SEPTIN6: variants seen among roughly 807,000 people sequenced by gnomAD.
The protein encoded by SEPTIN6 is septin-6.
A neutral mutation model predicts 33.6 loss-of-function variants in SEPTIN6; 8 were observed. The ratio of observed to expected loss-of-function variants is 0.24; its 90% CI spans 0.14 to 0.43. The LOEUF (loss-of-function observed/expected upper bound fraction) is 0.43, where lower values mean the gene tolerates loss of function less well. Ranked by LOEUF, SEPTIN6 falls within the 20% of genes least tolerant of loss-of-function variation. SEPTIN6 has a pLI of 1.00. For synonymous variants in SEPTIN6, 131 were observed against 140.0 expected (o/e 0.94, Z 0.45); for missense variants, 250 against 340.8 (o/e 0.73, Z 2.10).
chrX:119,649,076 T>C (rs1027675691), intron 5 of SEPTIN6, among the ~76,000 whole-genome samples: 1 of 109,036 alleles, frequency 9.2e-6, no homozygotes, highest in African/African-American at 3.3e-5. Flanking sequence ...ATTATTATTA[T>C]TCATTCACAC....
intron 3 of SEPTIN6, among the ~76,000 whole-genome samples, chrX:119,659,935 C>A (rs543202430): frequency 1.6e-4 from 18 of 111,965 alleles, no homozygotes; most frequent in African/African-American, 5.5e-4. Context: ...TGCCATGGCG[C>A]GATCTCAGCT....
intron 3 of SEPTIN6, among the ~76,000 whole-genome samples, chrX:119,657,847 C>T (rs2054473788): frequency 8.9e-6 from 1 of 112,097 alleles, no homozygotes; most frequent in African/African-American, 3.2e-5. Flanking sequence ...TATTCTCGAC[C>T]GGGTGCGGTG....
At position 119,633,612 on chromosome X, in the gene SEPTIN6, A is replaced by C. The variant is rs759251422; in HGVS notation, c.957-120T>G. 9 of 944,525 alleles carry C rather than the reference A, an allele frequency of 9.5e-6. No homozygotes were observed. In the African/African-American group the frequency reaches 1.6e-4, roughly 16 times the overall value. 77.8% of individuals were successfully genotyped at this position (944,525 alleles called of 1,213,427 possible). On this transcript the variant is annotated intron_variant, in intron 7 of 10. Coordinates refer to ENST00000394610, the MANE Select transcript of SEPTIN6 (RefSeq NM_145799.4). ...CCTTCCCCAGTTGTGAGCCAGGTAC[A>C]AAAATAGAACCACAAAGCTGTGGGC...
At chrX:119,643,114 A>G (rs10482486) in intron 5 of SEPTIN6, among the ~76,000 whole-genome samples, 30,647 of 109,806 alleles carry the variant, frequency 0.28, 3,378 homozygotes, top group African/African-American at 0.38. Context: ...TTGCCAGGAG[A>G]GTTGATCTGG....
intron 10 of SEPTIN6, among the ~76,000 whole-genome samples, chrX:119,622,709 T>C (rs113007246): frequency 8.9e-6 from 1 of 112,701 alleles, no homozygotes; most frequent in African/African-American, 3.2e-5. Context: ...CAGTGAAACC[T>C]GAATTAACTG....
intron 10 of SEPTIN6, among the ~76,000 whole-genome samples, chrX:119,620,521 G>A (rs1379638732): frequency 6.4e-5 from 7 of 109,569 alleles, no homozygotes; most frequent in East Asian, 2.9e-4. Flanking sequence ...GGGTTTCACC[G>A]TGTTAGCCAG....
At chrX:119,665,393 C>T (rs1360964156) in intron 2 of SEPTIN6, among the ~76,000 whole-genome samples, 3 of 112,062 alleles carry the variant, frequency 2.7e-5, no homozygotes, top group Admixed American at 1.9e-4. Flanking sequence ...CATGAGCCAC[C>T]GTGCCCGGCC....
chrX:119,663,736 C>T (rs2054587347), intron 2 of SEPTIN6, 59 bp from the exon 3 acceptor site: 22 of 889,711 alleles, frequency 2.5e-5, no homozygotes, highest in Non-Finnish European at 3.3e-5. Context: ...AGCCCTTACA[C>T]ATCATGTTTC....
chrX:119,618,677 G>A lies in SEPTIN6; in HGVS notation c.*1416C>T, dbSNP rs996669419. On this transcript the variant is annotated 3_prime_UTR_variant, in exon 11 of 11. Coordinates refer to ENST00000394610, the MANE Select transcript of SEPTIN6 (RefSeq NM_145799.4). ...TAGGGGTGGGGGGCCTCGCTGCCTG[G>A]CACCCCAAAGGAAAGCTGTCAGTTA... 8.4e-7 allele frequency: 1 copy of A among 1,187,018 alleles called. No homozygotes were observed. The highest frequency in any genetic ancestry group is 1.1e-6 in the Non-Finnish European group (1 of 882,700).
intron 5 of SEPTIN6, among the ~76,000 whole-genome samples, chrX:119,648,119 T>C (rs772553524): frequency 1.8e-5 from 2 of 109,360 alleles, no homozygotes; most frequent in East Asian, 5.6e-4. Context: ...GCTTGGGGGT[T>C]TCCAGCCTTG....
chrX:119,669,510 C>T (rs914332786), intron 2 of SEPTIN6, among the ~76,000 whole-genome samples: 2 of 112,273 alleles, frequency 1.8e-5, no homozygotes, highest in African/African-American at 6.5e-5. Context: ...GTGACCTTGT[C>T]CTTTCTCCTT....
intron 1 of SEPTIN6, chrX:119,686,487 C>A: frequency 3.6e-6 from 2 of 550,693 alleles, no homozygotes; most frequent in Non-Finnish European, 5.3e-6. Flanking sequence ...CGGCTGAGAG[C>A]GCGCTGCATA....
intron 1 of SEPTIN6, among the ~76,000 whole-genome samples, chrX:119,679,503 G>A (rs763209989): frequency 4.6e-4 from 51 of 111,475 alleles, no homozygotes; most frequent in Non-Finnish European, 8.5e-4. Context: ...AATGCTGGTT[G>A]GTGTGAACTG....
Position 119,617,027 on chromosome X carries a change from A to C in SEPTIN6, c.*3066T>G. On this transcript the variant is annotated 3_prime_UTR_variant, in exon 11 of 11. Coordinates refer to ENST00000394610, the MANE Select transcript of SEPTIN6 (RefSeq NM_145799.4). ...CCAAATGATTAAAACAAAAAAACAA[A>C]AACAAGAGCCATCTACACTGCAGCT... 1 of 954,585 alleles carries C rather than the reference A, an allele frequency of 1.0e-6. No individual in the cohort carries two copies. Among genetic ancestry groups the C allele is most frequent in the Non-Finnish European group, 1.3e-6 (1 of 762,828 alleles). The allele number at this position is 954,585 out of a possible 1,213,427, so 78.7% of individuals were successfully genotyped here.
intron 10 of SEPTIN6, among the ~76,000 whole-genome samples, chrX:119,621,446 GGTGTGTGTGTGTGTGT>G (rs34517524): frequency 2.2e-4 from 14 of 63,481 alleles, no homozygotes; most frequent in Admixed American, 8.4e-4. Context: ...GCCCAGAGCT[GGTGTGTGTGTGTGTGT>G]GTGTGTGTGT....
At chrX:119,683,063 G>A (rs1224367654) in intron 1 of SEPTIN6, among the ~76,000 whole-genome samples, 1 of 111,381 alleles carries the variant, frequency 9.0e-6, no homozygotes. Flanking sequence ...AACCAGCCTG[G>A]CCAACACTGG....
chrX:119,690,994 A>T (rs2055162833), intron 1 of SEPTIN6, among the ~76,000 whole-genome samples: 1 of 110,590 alleles, frequency 9.0e-6, no homozygotes, highest in African/African-American at 3.3e-5. Context: ...TTTCCCAGAA[A>T]CCCATTTATC....
intron 1 of SEPTIN6, among the ~76,000 whole-genome samples, chrX:119,690,750 A>G (rs2055159550): frequency 9.3e-6 from 1 of 107,062 alleles, no homozygotes; most frequent in Non-Finnish European, 1.9e-5. Flanking sequence ...AAAAAAAAGA[A>G]TTCCTAAGCT....
Position 119,640,822 on chromosome X carries a change from C to T in SEPTIN6, c.691-34G>A, listed in dbSNP as rs751891121. On this transcript the variant is annotated intron_variant, in intron 5 of 10. Coordinates refer to ENST00000394610, the MANE Select transcript of SEPTIN6 (RefSeq NM_145799.4). ...GAAGGCAAACGAAAGCTGAGAACTG[C>T]AGAAGAAAGGCACTGAGTGTTACAC... is the stretch of plus-strand genomic sequence containing the variant. The T allele has an allele frequency of 4.4e-6, 5 of 1,141,796 alleles. No homozygotes were observed. In the African/African-American group the frequency reaches 9.0e-5, roughly 20 times the overall value. 94.1% of individuals were successfully genotyped at this position (1,141,796 alleles called of 1,213,427 possible).
Sources: gnomAD v4.1 joint callset for allele counts (sites outside exome capture counted in the v4.1 genomes callset) on GRCh38, gnomAD v4.1.1 for gene constraint, MANE v1.5 for transcripts, NCBI Gene and HGNC (gene_info 2026-07-23, HGNC 2026-07-21) for gene names.